Variants in MERTK observed in about 807,000 individuals in gnomAD.
MERTK encodes the protein tyrosine-protein kinase Mer.
MERTK carries 69 observed loss-of-function variants against 99.3 expected under a neutral mutation model. The observed-to-expected ratio is 0.70, with a 90% CI of 0.57 to 0.85. The LOEUF is 0.85. Ranked by LOEUF, MERTK falls within the 40% of genes least tolerant of loss-of-function variation. MERTK has a pLI of 0.00. For missense variants in MERTK, 1,125 were observed against 1,249.4 expected (o/e 0.90, Z 1.50); for synonymous variants, 426 against 467.6 (o/e 0.91, Z 1.15).
intron 4 of MERTK, among the ~76,000 whole-genome samples, chr2:111,963,507 C>T (rs368271562): frequency 3.1e-4 from 47 of 152,180 alleles, no homozygotes; most frequent in African/African-American, 7.2e-4. Context: ...GAGGTCCCTG[C>T]GGCCTTCCGC....
intron 2 of MERTK, among the ~76,000 whole-genome samples, chr2:111,943,391 C>T (rs561009311): frequency 3.9e-5 from 6 of 152,142 alleles, no homozygotes; most frequent in South Asian, 4.1e-4. Context: ...AAATGTTCCC[C>T]GGCTGAGAAC....
intron 15 of MERTK, chr2:112,010,414 TG>T (rs1381136831): frequency 1.4e-5 from 4 of 277,264 alleles, no homozygotes; most frequent in Non-Finnish European, 2.9e-5. Context: ...CCATTGAAGG[TG>T]GCTCTCCTAA....
At chr2:111,941,044 G>A (rs751704075) in intron 2 of MERTK, 164 of 510,262 alleles carry the variant, frequency 3.2e-4, no homozygotes, top group East Asian at 1.3e-4. Context: ...CATGCTCCCC[G>A]CTTCTCACTC....
In MERTK at chr2:112,029,172, A is replaced by G; in HGVS notation, c.*308A>G. 1 of 1,056,724 alleles carries G rather than the reference A, an allele frequency of 9.5e-7. No homozygotes were observed. The allele number at this position is 1,056,724 out of a possible 1,614,324, so 65.5% of individuals were successfully genotyped here. On this transcript the variant is annotated 3_prime_UTR_variant, in exon 19 of 19. Coordinates refer to ENST00000295408, the MANE Select transcript of MERTK (RefSeq NM_006343.3). ...GCTGCTCCTTGATATTAACATTTGTACAGAGTTGAAGTTGTTTTTTCAAGT... is the reference window on the plus strand; with the variant it reads ...GCTGCTCCTTGATATTAACATTTGTGCAGAGTTGAAGTTGTTTTTTCAAGT...
chr2:111,944,998 T>A lies in MERTK; in HGVS notation c.521T>A (p.Ile174Asn). 6.2e-7 allele frequency: 1 copy of A among 1,613,878 alleles called. No homozygotes were observed. The highest frequency in any genetic ancestry group is 1.7e-5 in the Admixed American group (1 of 60,028). ...SVQRSDNGSYICKMKINNEEI... is the reference protein window; with the variant it reads ...SVQRSDNGSYNCKMKINNEEI... ...CAGCGTTCAGACAATGGGTCGTATA[T>A]CTGTAAGATGAAAATAAACAATGAA... is the stretch of plus-strand genomic sequence containing the variant. The change falls in exon 3 of 19, where the codon ATC becomes AAC. Residue 174 changes from isoleucine to asparagine, a missense_variant. Transcript: ENST00000295408.
intron 18 of MERTK, among the ~76,000 whole-genome samples, chr2:112,027,517 CTA>C (rs2104428944): frequency 6.6e-6 from 1 of 152,206 alleles, no homozygotes; most frequent in African/African-American, 2.4e-5. Flanking sequence ...GAATTCTTAA[CTA>C]TATTAGACAC....
chr2:111,947,993 G>T (rs879784735), intron 4 of MERTK, among the ~76,000 whole-genome samples: 5 of 152,076 alleles, frequency 3.3e-5, no homozygotes, highest in Non-Finnish European at 5.9e-5. Context: ...GCCCTTGGGG[G>T]ATTGTGGCTG....
At position 111,994,231 on chromosome 2, in the gene MERTK, C is replaced by G. The variant is rs976392948; in HGVS notation, c.1297-20C>G. 9 of 1,613,074 alleles carry G rather than the reference C, an allele frequency of 5.6e-6. No homozygotes were observed. In the African/African-American group the frequency reaches 1.1e-4, roughly 19 times the overall value. On this transcript the variant is annotated intron_variant, in intron 8 of 18. Transcript: ENST00000295408. ...CCAGACCTCAGTGTTTTCATTTCCT[C>G]TCTTCCTCTCTGTCTCCAGAAAGAG...
chr2:111,924,900 C>G (rs191718827), intron 1 of MERTK, among the ~76,000 whole-genome samples: 2 of 152,222 alleles, frequency 1.3e-5, no homozygotes, highest in South Asian at 2.1e-4. Context: ...TGAGCACCTC[C>G]TACATACTGG....
intron 2 of MERTK, among the ~76,000 whole-genome samples, chr2:111,944,427 G>A (rs1323203828): frequency 5.3e-4 from 1 of 1,880 alleles, no homozygotes; most frequent in Non-Finnish European, 7.1e-4. Flanking sequence ...AGAGAAAGAG[G>A]AATTATTTTA....
At chr2:112,004,576 G>A (rs189883311) in intron 13 of MERTK, among the ~76,000 whole-genome samples, 15 of 152,302 alleles carry the variant, frequency 9.8e-5, no homozygotes, top group Admixed American at 3.3e-4. Context: ...GTAAGTCACA[G>A]CCAAGAACCT....
intron 6 of MERTK, among the ~76,000 whole-genome samples, chr2:111,969,846 C>G (rs1002229926): frequency 6.6e-6 from 1 of 152,060 alleles, no homozygotes; most frequent in South Asian, 2.1e-4. Flanking sequence ...CCCCCGCCAC[C>G]GCGCCCAGCT....
intron 16 of MERTK, chr2:112,020,692 C>T (rs1330573590): frequency 2.1e-6 from 1 of 471,170 alleles, no homozygotes; most frequent in African/African-American, 2.0e-5. Context: ...AGGGGGCTTA[C>T]TTAGTCCTCA....
chr2:111,963,342 A>C (rs1357341627), intron 4 of MERTK, among the ~76,000 whole-genome samples: 1 of 152,218 alleles, frequency 6.6e-6, no homozygotes, highest in Non-Finnish European at 1.5e-5. Flanking sequence ...CTCAACTGCC[A>C]AGAGGCGTTC....
chr2:111,949,787 T>C (rs1273483833), intron 4 of MERTK, among the ~76,000 whole-genome samples: 1 of 152,184 alleles, frequency 6.6e-6, no homozygotes, highest in Admixed American at 6.5e-5. Context: ...ATATCTGTCA[T>C]CATAGAATAA....
chr2:112,026,972 T>A (rs1204764818), intron 18 of MERTK, among the ~76,000 whole-genome samples: 3 of 152,058 alleles, frequency 2.0e-5, no homozygotes, highest in Non-Finnish European at 2.9e-5. Flanking sequence ...GAATTATCAG[T>A]TTCTCAAAAC....
chr2:111,983,240 G>A (rs1423936035), intron 8 of MERTK, among the ~76,000 whole-genome samples: 1 of 152,140 alleles, frequency 6.6e-6, no homozygotes, highest in Admixed American at 6.5e-5. Context: ...ACTTATTCAT[G>A]AGATAGACAT....
At chr2:111,904,620 C>T (rs1014354405) in intron 1 of MERTK, among the ~76,000 whole-genome samples, 1 of 152,144 alleles carries the variant, frequency 6.6e-6, no homozygotes, top group African/African-American at 2.4e-5. Flanking sequence ...GCGATCCACC[C>T]ACCTCGGCCT....
At position 111,947,390 on chromosome 2, in the gene MERTK, G is replaced by T. The variant is rs371370579; in HGVS notation, c.584-4G>T. The T allele has an allele frequency of 1.9e-5, 31 of 1,612,868 alleles. No individual in the cohort carries two copies. The African/African-American group carries it at 3.2e-4, about 17-fold the overall frequency. On this transcript the variant is annotated splice_polypyrimidine_tract_variant and splice_region_variant and intron_variant, in intron 3 of 18. Coordinates refer to ENST00000295408, the MANE Select transcript of MERTK (RefSeq NM_006343.3). ...CATTCTTTTGTGTAACGTTTTCTCC[G>T]CAGGACTTCCTCACTTTACTAAGCA...
Sources: gnomAD v4.1 joint callset for allele counts (sites outside exome capture counted in the v4.1 genomes callset) on GRCh38, gnomAD v4.1.1 for gene constraint, MANE v1.5 for transcripts, NCBI Gene and HGNC (gene_info 2026-07-23, HGNC 2026-07-21) for gene names.